REPS2: variants seen among roughly 807,000 people sequenced by gnomAD.
REPS2 encodes the protein ralBP1-associated Eps domain-containing protein 2.
Under a neutral mutation model 53.6 loss-of-function variants are expected in REPS2, and 23 were observed. The ratio of observed to expected loss-of-function variants is 0.43; its 90% CI spans 0.31 to 0.61. The LOEUF is 0.61. REPS2 is among the 20% of genes least tolerant of loss of function. REPS2 has a pLI of 0.11. For synonymous variants in REPS2, 238 were observed against 218.6 expected (o/e 1.09, Z -0.78); for missense variants, 446 against 534.9 (o/e 0.83, Z 1.64).
At chrX:17,095,622 A>G (rs1569173303) in intron 13 of REPS2, among the ~76,000 whole-genome samples, 1 of 109,671 alleles carries the variant, frequency 9.1e-6, no homozygotes, top group Non-Finnish European at 1.9e-5. Flanking sequence ...TTGAGTTATC[A>G]GGTGAGACAG....
At position 16,953,096 on chromosome X, in the gene REPS2, AACAAACAC is replaced by A. The variant is rs1448912310; in HGVS notation, c.273+5966_273+5973del. Among the ~76,000 whole-genome samples the A allele has an allele frequency of 2.0e-4, 18 of 89,798 alleles. No homozygotes were observed. In the Admixed American group the frequency reaches 2.1e-3, roughly 10 times the overall value. The allele number at this position is 89,798 out of a possible 115,157, so 78.0% of individuals were successfully genotyped here. A position where few individuals can be genotyped will look rare whatever the true frequency, so the allele number is the denominator to read the frequency against. ...TGTCTCAAAAACAAACAAACCAAAA[AACAAACAC>A]ACACACACACACACACACACACACA... is the stretch of plus-strand genomic sequence containing the variant. On this transcript the variant is annotated intron_variant, in intron 1 of 17. Coordinates refer to ENST00000357277, the MANE Select transcript of REPS2 (RefSeq NM_004726.3).
the REPS2 span, among the ~76,000 whole-genome samples, chrX:17,158,974 C>T: frequency 1.8e-5 from 2 of 112,228 alleles, no homozygotes; most frequent in East Asian, 5.6e-4. Context: ...AGAATTTTCC[C>T]TTAGATGGCA....
chrX:17,082,225 G>T (rs1234128189), intron 13 of REPS2, among the ~76,000 whole-genome samples: 1 of 111,936 alleles, frequency 8.9e-6, no homozygotes, highest in East Asian at 2.8e-4. Flanking sequence ...AGAAGGGGCA[G>T]AGATGGTGTG....
rs58924467 is a variant in REPS2 at position 16,954,805 on chromosome X, CTTTTTTT to C, written c.273+7688_273+7694del. Among the ~76,000 whole-genome samples, 103 of 59,339 alleles carry C rather than the reference CTTTTTTT, an allele frequency of 1.7e-3. 1 individual carries two copies. The highest frequency in any genetic ancestry group is 5.3e-3 in the African/African-American group (85 of 15,992). 51.5% of individuals were successfully genotyped at this position (59,339 alleles called of 115,157 possible). On this transcript the variant is annotated intron_variant, in intron 1 of 17. Transcript: ENST00000357277. ...GGTTGTTTTTGCTAATTATTTATAA[CTTTTTTT>C]TTTTTTTTTTTTTTTTGAGACAGAG...
At chrX:17,196,396 A>AT in the REPS2 span, among the ~76,000 whole-genome samples, 2 of 111,271 alleles carry the variant, frequency 1.8e-5, no homozygotes, top group Non-Finnish European at 3.8e-5. Context: ...AATCCCTAAT[A>AT]TGATGGTATT....
intron 8 of REPS2, among the ~76,000 whole-genome samples, chrX:17,059,299 G>GTT (rs1238336117): frequency 3.8e-5 from 3 of 77,964 alleles, no homozygotes; most frequent in Non-Finnish European, 2.6e-5. Context: ...CCGGCCTAGT[G>GTT]TTTTTTTTTT....
intron 1 of REPS2, among the ~76,000 whole-genome samples, chrX:16,991,728 AAAAT>A (rs751173690): frequency 7.1e-4 from 78 of 110,495 alleles, no homozygotes; most frequent in Middle Eastern, 4.7e-3. Context: ...AGTAGAATAA[AAAAT>A]AAATAAATAA....
Position 17,099,963 on chromosome X carries a change from T to C in REPS2, c.1517-3755T>C, listed in dbSNP as rs1006821389. The C allele has an allele frequency of 1.3e-5, 15 of 1,162,525 alleles. No homozygotes were observed. The African/African-American group carries it at 1.6e-4, about 12-fold the overall frequency. On this transcript the variant is annotated intron_variant, in intron 13 of 17. Transcript: ENST00000357277. ...GGAGTCTGTAGCTCCAATAATCTGC[T>C]CCGGCTCCAAACCCTGAGCAAAGCC...
At chrX:17,119,026 A>C (rs2063103130) in intron 14 of REPS2, among the ~76,000 whole-genome samples, 1 of 112,685 alleles carries the variant, frequency 8.9e-6, no homozygotes, top group Non-Finnish European at 1.9e-5. Flanking sequence ...ACTTCAACAG[A>C]GTGCCCGATG....
At chrX:17,093,082 T>C (rs2062639741) in intron 13 of REPS2, among the ~76,000 whole-genome samples, 1 of 98,413 alleles carries the variant, frequency 1.0e-5, no homozygotes. Context: ...TCTCCCACCA[T>C]TAAAGGAAAG....
chrX:17,167,288 G>C, the REPS2 span, among the ~76,000 whole-genome samples: 2 of 111,820 alleles, frequency 1.8e-5, no homozygotes, highest in Admixed American at 1.9e-4. Flanking sequence ...GTTCTTTCTG[G>C]CTTCTTCCAA....
rs551872437 is a variant in REPS2 at position 17,026,243 on chromosome X, A to G, written c.673+1058A>G. Among the ~76,000 whole-genome samples the G allele has an allele frequency of 1.4e-4, 16 of 111,766 alleles. No homozygotes were observed. In the South Asian group the frequency reaches 5.3e-3, roughly 37 times the overall value. ...TGGAGTAACAGTATCCTAGAGGGGT[A>G]TTAGAAGATTAAGTGAGAATGTGAG... On this transcript the variant is annotated intron_variant, in intron 4 of 17. Transcript: ENST00000357277.
intron 13 of REPS2, among the ~76,000 whole-genome samples, chrX:17,091,997 G>A (rs2062621507): frequency 9.0e-6 from 1 of 111,609 alleles, no homozygotes; most frequent in African/African-American, 3.3e-5. Flanking sequence ...TTCCTTGAGT[G>A]TTTTTCCCCC....
chrX:17,126,212 A>G (rs1191810858), intron 14 of REPS2, among the ~76,000 whole-genome samples: 1 of 111,474 alleles, frequency 9.0e-6, no homozygotes, highest in Non-Finnish European at 1.9e-5. Flanking sequence ...CGCAGGGAGA[A>G]GGGACCCCCT....
intron 14 of REPS2, among the ~76,000 whole-genome samples, chrX:17,132,857 G>A (rs1248932559): frequency 8.9e-6 from 1 of 112,285 alleles, no homozygotes; most frequent in Non-Finnish European, 1.9e-5. Context: ...TTCTATTAGT[G>A]ACATATACCC....
chrX:17,118,498 G>C (rs1442445262), intron 14 of REPS2, among the ~76,000 whole-genome samples: 2 of 111,593 alleles, frequency 1.8e-5, no homozygotes, highest in African/African-American at 6.5e-5. Flanking sequence ...TTTTATGTAA[G>C]GGGAAGTTGA....
At position 16,998,077 on chromosome X, in the gene REPS2, T is replaced by C. The variant is rs983945666; in HGVS notation, c.274-8144T>C. On this transcript the variant is annotated intron_variant, in intron 1 of 17. Coordinates refer to ENST00000357277, the MANE Select transcript of REPS2 (RefSeq NM_004726.3). ...CTGGGCAACACAGGGAGACCCCCCA[T>C]CTCTACAAAAAAACAAAAAAGTAGC... 1.7e-4 allele frequency among the ~76,000 whole-genome samples: 5 copies of C among 29,940 alleles called. No homozygotes were observed. The Admixed American group carries it at 2.7e-3, about 16-fold the overall frequency. The allele number at this position is 29,940 out of a possible 115,157, so 26.0% of individuals were successfully genotyped here. A position where few individuals can be genotyped will look rare whatever the true frequency, so the allele number is the denominator to read the frequency against.
At chrX:16,948,031 C>G (rs1052943146) in intron 1 of REPS2, among the ~76,000 whole-genome samples, 1 of 112,054 alleles carries the variant, frequency 8.9e-6, no homozygotes, top group African/African-American at 3.2e-5. Context: ...GGTGATAAGA[C>G]TGTTAATATC....
At chrX:16,964,987 C>G (rs775537653) in intron 1 of REPS2, among the ~76,000 whole-genome samples, 5,281 of 16,480 alleles carry the variant, frequency 0.32, 3 homozygotes, top group East Asian at 0.36. Context: ...AGTAGGGGCG[C>G]CCGGGCAGAG....
Sources: gnomAD v4.1 joint callset for allele counts (sites outside exome capture counted in the v4.1 genomes callset) on GRCh38, gnomAD v4.1.1 for gene constraint, MANE v1.5 for transcripts, NCBI Gene and HGNC (gene_info 2026-07-23, HGNC 2026-07-21) for gene names.